Variants in MPDZ observed in about 807,000 individuals in gnomAD.
MPDZ encodes the protein multiple PDZ domain crumbs cell polarity complex component, also known as multiple PDZ domain protein.
In MPDZ, 234 loss-of-function variants were observed where a neutral mutation model predicts 239.1. That is an observed-to-expected ratio of 0.98 (90% CI 0.88 to 1.09). The LOEUF (loss-of-function observed/expected upper bound fraction) is 1.09, where lower values mean the gene tolerates loss of function less well. Ranked by LOEUF, MPDZ falls within the 50% of genes least tolerant of loss-of-function variation. The pLI is 0.00. For synonymous variants in MPDZ, 1,048 were observed against 881.3 expected, an observed-to-expected ratio of 1.19 and a Z score of -3.35; for missense variants, 3,175 against 2,510.0, an observed-to-expected ratio of 1.26 and a Z score of -5.66.
intron 12 of MPDZ, among the ~76,000 whole-genome samples, chr9:13,204,221 G>A (rs1956739151): frequency 6.6e-6 from 1 of 152,082 alleles, no homozygotes; most frequent in Non-Finnish European, 1.5e-5. Flanking sequence ...AAAGCAATCT[G>A]AAAGGTAAAG....
Position 13,247,726 on chromosome 9 carries a change from T to C in MPDZ, c.92A>G (p.Asp31Gly). 1.2e-6 allele frequency: 2 copies of C among 1,613,656 alleles called. No individual in the cohort carries two copies. The highest frequency in any genetic ancestry group is 8.5e-7 in the Non-Finnish European group (1 of 1,179,672). ...LRERGDVANE[D>G]KLSLLKSVLQ... ...GACTGACTTCAGAAGGCTCAGTTTG[T>C]CTTCATTTGCTACATCCCCACGTTC... The change falls in exon 3 of 47, where the codon GAC becomes GGC. Residue 31 changes from aspartate (D) to glycine (G), a missense_variant. Physicochemically the swap from Asp to Gly is moderately conservative, Grantham distance 94. Coordinates refer to ENST00000319217, the MANE Select transcript of MPDZ (RefSeq NM_001378778.1).
At chr9:13,212,791 T>A (rs1461340061) in intron 10 of MPDZ, among the ~76,000 whole-genome samples, 2 of 110,580 alleles carry the variant, frequency 1.8e-5, no homozygotes, top group Non-Finnish European at 1.8e-5. Flanking sequence ...GGTCAAGGTT[T>A]AAAAAAAAAA....
At chr9:13,263,797 G>T (rs1971222016) in intron 1 of MPDZ, among the ~76,000 whole-genome samples, 1 of 147,232 alleles carries the variant, frequency 6.8e-6, no homozygotes, top group African/African-American at 2.5e-5. Flanking sequence ...GTGAATTATG[G>T]GGGATCCCAA....
intron 36 of MPDZ, 147 bp from the exon 37 acceptor site, chr9:13,122,317 G>A (rs1317594602): frequency 2.9e-6 from 2 of 690,774 alleles, no homozygotes; most frequent in South Asian, 4.7e-5. Context: ...TATAATTCAA[G>A]GGAAAGTGTA....
At chr9:13,195,734 T>C (rs1439738300) in intron 13 of MPDZ, among the ~76,000 whole-genome samples, 1 of 152,194 alleles carries the variant, frequency 6.6e-6, no homozygotes, top group East Asian at 1.9e-4. Flanking sequence ...AAGAGTCCTT[T>C]TACAATTCTG....
At chr9:13,134,160 A>G (rs1003460308) in intron 31 of MPDZ, 1 of 174,918 alleles carries the variant, frequency 5.7e-6, no homozygotes, top group African/African-American at 2.4e-5. Context: ...GACAGCAATC[A>G]GTTGAGAGCA....
chr9:13,119,114 TTTTA>T (rs1417138551), intron 39 of MPDZ, among the ~76,000 whole-genome samples: 4 of 152,200 alleles, frequency 2.6e-5, no homozygotes, highest in Non-Finnish European at 5.9e-5. Flanking sequence ...TGAGATGACT[TTTTA>T]TTTATTTTTT....
chr9:13,250,212 C>G, intron 2 of MPDZ, 88 bp downstream of exon 2: 1 of 1,243,228 alleles, frequency 8.0e-7, no homozygotes, highest in South Asian at 1.4e-5. Context: ...AGACAGAATC[C>G]TGCTATGTTA....
intron 1 of MPDZ, among the ~76,000 whole-genome samples, chr9:13,277,564 AT>A (rs1452517240): frequency 1.3e-5 from 2 of 151,932 alleles, no homozygotes; most frequent in Non-Finnish European, 2.9e-5. Flanking sequence ...TTTATTTTTT[AT>A]TTATTTACTT....
intron 24 of MPDZ, among the ~76,000 whole-genome samples, chr9:13,156,744 C>T (rs1345864971): frequency 2.0e-5 from 3 of 152,080 alleles, no homozygotes; most frequent in Non-Finnish European, 4.4e-5. Flanking sequence ...ATCTTTTTTT[C>T]CTGTGATTAC....
At chr9:13,212,845 T>G (rs1957801289) in intron 10 of MPDZ, among the ~76,000 whole-genome samples, 1 of 147,452 alleles carries the variant, frequency 6.8e-6, no homozygotes, top group Non-Finnish European at 1.5e-5. Flanking sequence ...TAGTGTGCAC[T>G]GCAGACACTG....
At chr9:13,230,772 G>A (rs1297879714) in intron 3 of MPDZ, among the ~76,000 whole-genome samples, 3 of 151,960 alleles carry the variant, frequency 2.0e-5, no homozygotes, top group Non-Finnish European at 2.9e-5. Context: ...GAAACGGGAG[G>A]GAGGAATTTA....
chr9:13,189,208 T>G (rs1270926479), intron 16 of MPDZ, among the ~76,000 whole-genome samples: 1 of 152,156 alleles, frequency 6.6e-6, no homozygotes, highest in Non-Finnish European at 1.5e-5. Flanking sequence ...AATGGCACCC[T>G]CACTTCCTAA....
At chr9:13,236,683 C>A (rs532286407) in intron 3 of MPDZ, among the ~76,000 whole-genome samples, 2 of 151,964 alleles carry the variant, frequency 1.3e-5, no homozygotes, top group African/African-American at 4.8e-5. Context: ...AAAACTCCCA[C>A]TTCCCCAAAT....
intron 43 of MPDZ, 89 bp from the exon 44 acceptor site, chr9:13,110,829 T>C: frequency 1.2e-5 from 10 of 820,990 alleles, no homozygotes; most frequent in Non-Finnish European, 1.9e-5. Context: ...CTTCTCCACC[T>C]TCCACATGAC....
At chr9:13,115,413 C>T in intron 39 of MPDZ, 79 bp from the exon 40 acceptor site, 1 of 1,205,200 alleles carries the variant, frequency 8.3e-7, no homozygotes, top group Non-Finnish European at 1.2e-6. Context: ...ACATTTTACT[C>T]TTCAAGACTT....
At chr9:13,214,117 C>T (rs755151443) in intron 10 of MPDZ, among the ~76,000 whole-genome samples, 6 of 151,896 alleles carry the variant, frequency 4.0e-5, no homozygotes, top group African/African-American at 7.3e-5. Flanking sequence ...AAAGCTTGTA[C>T]GTGAATGTTC....
At chr9:13,278,661 G>A (rs1485741619) in intron 1 of MPDZ, among the ~76,000 whole-genome samples, 1 of 152,144 alleles carries the variant, frequency 6.6e-6, no homozygotes, top group African/African-American at 2.4e-5. Context: ...CGGGGGGTGA[G>A]GAGACTAAGG....
At chr9:13,169,002 CTT>C (rs1477110693) in intron 21 of MPDZ, among the ~76,000 whole-genome samples, 1 of 152,108 alleles carries the variant, frequency 6.6e-6, no homozygotes, top group African/African-American at 2.4e-5. Context: ...TTCTTTATCA[CTT>C]GTTTATTCAG....
Sources: gnomAD v4.1 joint callset for allele counts (sites outside exome capture counted in the v4.1 genomes callset) on GRCh38, gnomAD v4.1.1 for gene constraint, MANE v1.5 for transcripts, NCBI Gene and HGNC (gene_info 2026-07-23, HGNC 2026-07-21) for gene names.